SYNDIG1: variants seen among roughly 807,000 people sequenced by gnomAD.
The protein encoded by SYNDIG1 is synapse differentiation-inducing gene protein 1.
A neutral mutation model predicts 19.4 loss-of-function variants in SYNDIG1; 9 were observed. The ratio of observed to expected loss-of-function variants is 0.46; its 90% CI spans 0.28 to 0.81. SYNDIG1 has a LOEUF of 0.81. SYNDIG1 is among the 30% of genes least tolerant of loss of function. The pLI is 0.12. For missense variants in SYNDIG1, 311 were observed against 343.3 expected (o/e 0.91, Z 0.74); for synonymous variants, 141 against 145.9 (o/e 0.97, Z 0.24).
intron 2 of SYNDIG1, among the ~76,000 whole-genome samples, chr20:24,555,358 G>GT (rs939057565): frequency 6.6e-6 from 1 of 152,088 alleles, no homozygotes. Flanking sequence ...TTTTGAATGT[G>GT]TTTGCTCTTG....
In SYNDIG1 at chr20:24,560,732, A is replaced by G. The variant is rs113377717; in HGVS notation, c.480+17155A>G. On this transcript the variant is annotated intron_variant, in intron 2 of 3. Transcript: ENST00000376862. ...TTTTTTTTTAAACTAGGTATGGGTC[A>G]TGCTTTCCTGTTTCTATACCTGGCT... Among the ~76,000 whole-genome samples, 233 of 123,452 alleles carry G rather than the reference A, an allele frequency of 1.9e-3. 2 individuals carry two copies. The highest frequency in any genetic ancestry group is 7.1e-3 in the African/African-American group (228 of 32,018). 81.0% of individuals were successfully genotyped at this position (123,452 alleles called of 152,430 possible).
chr20:24,664,404 A>C (rs1487614628), intron 3 of SYNDIG1, among the ~76,000 whole-genome samples: 1 of 152,216 alleles, frequency 6.6e-6, no homozygotes, highest in Non-Finnish European at 1.5e-5. Flanking sequence ...GACGGCCATG[A>C]GAACGAGCTA....
intron 1 of SYNDIG1, among the ~76,000 whole-genome samples, chr20:24,502,788 C>T (rs2056486440): frequency 6.6e-6 from 1 of 152,138 alleles, no homozygotes; most frequent in Non-Finnish European, 1.5e-5. Flanking sequence ...TTGGGGCTGT[C>T]CTCTCTGTTA....
chr20:24,488,221 C>T (rs867620630), intron 1 of SYNDIG1, among the ~76,000 whole-genome samples: 1 of 152,316 alleles, frequency 6.6e-6, no homozygotes, highest in Middle Eastern at 3.4e-3. Flanking sequence ...ATTTATTGCT[C>T]CTGCAGAGAG....
intron 3 of SYNDIG1, among the ~76,000 whole-genome samples, chr20:24,624,285 A>T (rs2059087294): frequency 6.6e-6 from 1 of 152,106 alleles, no homozygotes; most frequent in Admixed American, 6.5e-5. Context: ...GAGACCCAAC[A>T]GAATGCTGTT....
intron 3 of SYNDIG1, among the ~76,000 whole-genome samples, chr20:24,657,456 C>A (rs1156313695): frequency 3.3e-5 from 5 of 152,214 alleles, no homozygotes; most frequent in Admixed American, 6.5e-5. Flanking sequence ...AGGCGGTGAC[C>A]TAGCCTTCCT....
Position 24,508,218 on chromosome 20 carries a change from ATTTTT to A in SYNDIG1, c.-78-34778_-78-34774del, listed in dbSNP as rs34436263. ...TGGAAAATTAAAATTAAGGAGGATA[ATTTTT>A]TTTTTTTTTTTTTTTTTTTTTTTGT... On this transcript the variant is annotated intron_variant, in intron 1 of 3. Coordinates refer to ENST00000376862, the MANE Select transcript of SYNDIG1 (RefSeq NM_024893.3). 4.7e-3 allele frequency among the ~76,000 whole-genome samples: 343 copies of A among 73,200 alleles called. 1 individual carries two copies. The highest frequency in any genetic ancestry group is 0.02 in the African/African-American group (331 of 16,490). 48.0% of individuals were successfully genotyped at this position (73,200 alleles called of 152,430 possible). A position where few individuals can be genotyped will look rare whatever the true frequency, so the allele number is the denominator to read the frequency against.
At chr20:24,657,587 T>C (rs1300726367) in intron 3 of SYNDIG1, among the ~76,000 whole-genome samples, 1 of 152,080 alleles carries the variant, frequency 6.6e-6, no homozygotes, top group Non-Finnish European at 1.5e-5. Flanking sequence ...TGGCTTAAAA[T>C]ATAAGGGTTG....
In SYNDIG1 at chr20:24,582,381, C is replaced by T. The variant is rs369420760; in HGVS notation, c.481-2475C>T. On this transcript the variant is annotated intron_variant, in intron 2 of 3. Coordinates refer to ENST00000376862, the MANE Select transcript of SYNDIG1 (RefSeq NM_024893.3). ...GCCTTCCCCTTGCATGGCCTCCCCC[C>T]ATATGTCCTCCCTTCTGCATGTCCT... Among the ~76,000 whole-genome samples, 11 of 114,650 alleles carry T rather than the reference C, an allele frequency of 9.6e-5. No individual in the cohort carries two copies. In the East Asian group the frequency reaches 3.2e-3, roughly 33 times the overall value. The allele number at this position is 114,650 out of a possible 152,430, so 75.2% of individuals were successfully genotyped here.
In SYNDIG1 at chr20:24,469,638, G is replaced by C. The variant is rs1264835487; in HGVS notation, c.-194G>C. 6.6e-6 allele frequency: 1 copy of C among 151,888 alleles called. No homozygotes were observed. Among genetic ancestry groups the C allele is most frequent in the African/African-American group, 2.4e-5 (1 of 41,332 alleles). 9.4% of individuals were successfully genotyped at this position (151,888 alleles called of 1,614,324 possible). A position where few individuals can be genotyped will look rare whatever the true frequency, so the allele number is the denominator to read the frequency against. ...GCGCTGAGGGGAGGGCAGAGGAGGA[G>C]AGAGCCTGGCAGCGGAGGAGCAGAG... On this transcript the variant is annotated 5_prime_UTR_variant, in exon 1 of 4. Transcript: ENST00000376862.
chr20:24,538,571 A>G (rs1262873099), intron 1 of SYNDIG1, among the ~76,000 whole-genome samples: 3 of 152,194 alleles, frequency 2.0e-5, no homozygotes, highest in African/African-American at 7.2e-5. Context: ...ATGGCATGCA[A>G]GTATCTCCTC....
chr20:24,567,017 C>T (rs1441128035), intron 2 of SYNDIG1, among the ~76,000 whole-genome samples: 8 of 152,188 alleles, frequency 5.3e-5, no homozygotes, highest in Non-Finnish European at 1.2e-4. Context: ...CCCCTTGTAG[C>T]TCCTTATGGA....
At chr20:24,556,297 C>T (rs2057815818) in intron 2 of SYNDIG1, among the ~76,000 whole-genome samples, 1 of 152,160 alleles carries the variant, frequency 6.6e-6, no homozygotes, top group Non-Finnish European at 1.5e-5. Context: ...AGCATTTAGT[C>T]CATTTACATT....
intron 3 of SYNDIG1, among the ~76,000 whole-genome samples, chr20:24,588,899 A>T (rs2058461681): frequency 7.8e-6 from 1 of 127,786 alleles, no homozygotes; most frequent in Non-Finnish European, 1.6e-5. Context: ...AGCTAGCAGG[A>T]TGTGCAGGTT....
intron 1 of SYNDIG1, among the ~76,000 whole-genome samples, chr20:24,493,935 C>T (rs540121802): frequency 1.1e-4 from 16 of 152,330 alleles, no homozygotes; most frequent in East Asian, 3.9e-4. Context: ...GTCATCCCAA[C>T]GTGTGGAGGC....
At chr20:24,592,104 G>T (rs373207783) in intron 3 of SYNDIG1, among the ~76,000 whole-genome samples, 6 of 152,162 alleles carry the variant, frequency 3.9e-5, no homozygotes, top group East Asian at 3.8e-4. Context: ...TATACTAAAG[G>T]TATTTATTAT....
At chr20:24,559,104 T>C (rs983212396) in intron 2 of SYNDIG1, among the ~76,000 whole-genome samples, 1 of 152,076 alleles carries the variant, frequency 6.6e-6, no homozygotes, top group African/African-American at 2.4e-5. Context: ...AATGGATAAT[T>C]GGATTTTTTA....
intron 3 of SYNDIG1, among the ~76,000 whole-genome samples, chr20:24,611,261 T>A (rs2058842670): frequency 6.6e-6 from 1 of 152,208 alleles, no homozygotes; most frequent in Non-Finnish European, 1.5e-5. Flanking sequence ...CTGGTTCTCA[T>A]GACCTGCCTC....
Position 24,573,440 on chromosome 20 carries a change from G to A in SYNDIG1, c.481-11416G>A, listed in dbSNP as rs148746933. On this transcript the variant is annotated intron_variant, in intron 2 of 3. Coordinates refer to ENST00000376862, the MANE Select transcript of SYNDIG1 (RefSeq NM_024893.3). Reference sequence around the variant, plus strand: ...GCACCCAAGTCCTTTAATGAGTCACGGGCTGCCAGACCCTTCTTCACAAGG... The same window carrying A: ...GCACCCAAGTCCTTTAATGAGTCACAGGCTGCCAGACCCTTCTTCACAAGG... Among the ~76,000 whole-genome samples the A allele has an allele frequency of 7.1e-3, 1,086 of 152,254 alleles. 15 individuals carry two copies. Among genetic ancestry groups the A allele is most frequent in the African/African-American group, 0.024 (1,007 of 41,546 alleles).
Sources: gnomAD v4.1 joint callset for allele counts (sites outside exome capture counted in the v4.1 genomes callset) on GRCh38, gnomAD v4.1.1 for gene constraint, MANE v1.5 for transcripts, NCBI Gene and HGNC (gene_info 2026-07-23, HGNC 2026-07-21) for gene names.